CADM2: variants seen among roughly 807,000 people sequenced by gnomAD.
CADM2 encodes the protein immunoglobulin superfamily member 4D.
In CADM2, 12 loss-of-function variants were observed where a neutral mutation model predicts 49.8. The ratio of observed to expected loss-of-function variants is 0.24; its 90% CI spans 0.15 to 0.39. The LOEUF (loss-of-function observed/expected upper bound fraction) is 0.39, where lower values mean the gene tolerates loss of function less well. CADM2 is among the 10% of genes least tolerant of loss of function. The pLI is 1.00. For synonymous variants in CADM2, 214 were observed against 175.4 expected (o/e 1.22, Z -1.74); for missense variants, 378 against 492.3 (o/e 0.77, Z 2.20).
intron 1 of CADM2, among the ~76,000 whole-genome samples, chr3:85,417,101 A>G: frequency 6.6e-6 from 1 of 152,182 alleles, no homozygotes; most frequent in South Asian, 2.1e-4. Flanking sequence ...AGCTTAAAAA[A>G]AACTTTATAA....
intron 4 of CADM2, among the ~76,000 whole-genome samples, chr3:85,884,726 CTT>C (rs954806418): frequency 5.1e-5 from 7 of 138,292 alleles, no homozygotes; most frequent in Non-Finnish European, 6.3e-5. Flanking sequence ...TATTCTTCTT[CTT>C]TTTTTTTTTT....
intron 1 of CADM2, among the ~76,000 whole-genome samples, chr3:84,973,733 G>A (rs1403120547): frequency 1.3e-5 from 2 of 151,928 alleles, no homozygotes; most frequent in Non-Finnish European, 2.9e-5. Flanking sequence ...GATGCCTCAG[G>A]GAAAACATTT....
chr3:85,283,984 A>G (rs2043566241), intron 1 of CADM2, among the ~76,000 whole-genome samples: 1 of 152,184 alleles, frequency 6.6e-6, no homozygotes, highest in Admixed American at 6.6e-5. Flanking sequence ...TGTTGAGTCT[A>G]TGAACATGAA....
intron 1 of CADM2, among the ~76,000 whole-genome samples, chr3:85,185,140 T>C (rs1362453623): frequency 3.3e-5 from 5 of 152,164 alleles, no homozygotes; most frequent in Admixed American, 6.6e-5. Context: ...ATAGGAAAAA[T>C]AGAACCCACA....
At chr3:85,604,142 C>G (rs2063489006) in intron 1 of CADM2, among the ~76,000 whole-genome samples, 1 of 151,844 alleles carries the variant, frequency 6.6e-6, no homozygotes, top group African/African-American at 2.4e-5. Context: ...TCTTTGTGTA[C>G]ACATAATTTA....
intron 1 of CADM2, among the ~76,000 whole-genome samples, chr3:85,334,971 A>G (rs541674853): frequency 2.0e-5 from 3 of 151,342 alleles, no homozygotes; most frequent in African/African-American, 7.3e-5. Flanking sequence ...CTATGAAGTT[A>G]CAAGGTGACA....
intron 1 of CADM2, among the ~76,000 whole-genome samples, chr3:85,302,857 G>T (rs1229113600): frequency 6.6e-6 from 1 of 151,922 alleles, no homozygotes; most frequent in Non-Finnish European, 1.5e-5. Flanking sequence ...AGAATCAAAG[G>T]TTGGACTTGA....
At chr3:85,926,205 A>C (rs546161326) in intron 6 of CADM2, among the ~76,000 whole-genome samples, 1 of 151,744 alleles carries the variant, frequency 6.6e-6, no homozygotes, top group Non-Finnish European at 1.5e-5. Context: ...GTAAATGTAA[A>C]TATTTTAAAG....
At chr3:85,173,823 C>T (rs1276218479) in intron 1 of CADM2, among the ~76,000 whole-genome samples, 2 of 152,114 alleles carry the variant, frequency 1.3e-5, no homozygotes, top group African/African-American at 4.8e-5. Flanking sequence ...TCCATACCTA[C>T]GTGTCTTAGT....
At chr3:86,032,636 A>G (rs1421314309) in intron 8 of CADM2, among the ~76,000 whole-genome samples, 3 of 151,904 alleles carry the variant, frequency 2.0e-5, no homozygotes, top group Non-Finnish European at 2.9e-5. Flanking sequence ...CAGGTTTATT[A>G]TTAGATAATT....
chr3:85,976,709 C>T (rs1459733677), intron 8 of CADM2, among the ~76,000 whole-genome samples: 1 of 151,518 alleles, frequency 6.6e-6, no homozygotes, highest in African/African-American at 2.4e-5. Context: ...GTCATTTTGG[C>T]ACTTTCCACC....
At chr3:85,876,624 A>G (rs1711879107) in intron 3 of CADM2, among the ~76,000 whole-genome samples, 1 of 152,144 alleles carries the variant, frequency 6.6e-6, no homozygotes, top group South Asian at 2.1e-4. Context: ...ATGTGACATG[A>G]ATTATTACTC....
intron 1 of CADM2, among the ~76,000 whole-genome samples, chr3:85,081,937 A>G (rs1351867479): frequency 6.6e-6 from 1 of 152,118 alleles, no homozygotes; most frequent in Admixed American, 6.6e-5. Context: ...TTGATGCAGA[A>G]CAGTTGTGAA....
intron 1 of CADM2, among the ~76,000 whole-genome samples, chr3:85,214,665 G>T (rs2041879314): frequency 6.6e-6 from 1 of 151,898 alleles, no homozygotes; most frequent in Non-Finnish European, 1.5e-5. Context: ...CAACCAAGCT[G>T]CAAGACAATG....
chr3:85,976,441 A>AG (rs1373175663), intron 8 of CADM2, among the ~76,000 whole-genome samples: 5 of 151,628 alleles, frequency 3.3e-5, no homozygotes, highest in South Asian at 2.1e-4. Context: ...GTTCAATTTT[A>AG]GTTGCTTCCC....
intron 1 of CADM2, among the ~76,000 whole-genome samples, chr3:85,038,067 T>C (rs2035294139): frequency 6.6e-6 from 1 of 152,136 alleles, no homozygotes; most frequent in Non-Finnish European, 1.5e-5. Flanking sequence ...TACCAATGCC[T>C]GGTATAGTTT....
At chr3:85,405,246 G>T (rs1302856484) in intron 1 of CADM2, among the ~76,000 whole-genome samples, 1 of 152,120 alleles carries the variant, frequency 6.6e-6, no homozygotes, top group Admixed American at 6.6e-5. Flanking sequence ...CTGTATCCTA[G>T]AACAGTTTTG....
chr3:85,934,295 T>C (rs935573105), intron 6 of CADM2, among the ~76,000 whole-genome samples: 3 of 152,082 alleles, frequency 2.0e-5, no homozygotes, highest in African/African-American at 7.2e-5. Context: ...TATTTTCTCT[T>C]TTTCTTTTAA....
At chr3:85,140,151 A>G (rs929909890) in intron 1 of CADM2, among the ~76,000 whole-genome samples, 2 of 152,202 alleles carry the variant, frequency 1.3e-5, no homozygotes, top group East Asian at 3.9e-4. Context: ...AAAGCAACCT[A>G]TATTTTCAAA....
Sources: allele counts gnomAD v4.1 joint callset (sites outside exome capture counted in the v4.1 genomes callset), GRCh38; gene constraint gnomAD v4.1.1; transcripts MANE v1.5; gene names NCBI Gene and HGNC (gene_info 2026-07-23, HGNC 2026-07-21).